Variants in DPP6 observed in about 807,000 individuals in gnomAD.
The protein encoded by DPP6 is A-type potassium channel modulatory protein DPP6.
A neutral mutation model predicts 122.6 loss-of-function variants in DPP6; 69 were observed. The ratio of observed to expected loss-of-function variants is 0.56; its 90% CI spans 0.46 to 0.69. The LOEUF (loss-of-function observed/expected upper bound fraction) is 0.69, where lower values mean the gene tolerates loss of function less well. Ranked by LOEUF, DPP6 falls within the 30% of genes least tolerant of loss-of-function variation. DPP6 has a pLI of 0.00. For synonymous variants in DPP6, 418 were observed against 433.1 expected (o/e 0.97, Z 0.43); for missense variants, 928 against 1,116.9 (o/e 0.83, Z 2.41).
At chr7:153,839,594 G>T in the DPP6 span, among the ~76,000 whole-genome samples, 1 of 152,220 alleles carries the variant, frequency 6.6e-6, no homozygotes, top group Non-Finnish European at 1.5e-5. Flanking sequence ...AGTCACAGCT[G>T]CATGGACAGA....
At chr7:154,850,036 T>TA (rs1023484643) in intron 16 of DPP6, among the ~76,000 whole-genome samples, 2 of 152,210 alleles carry the variant, frequency 1.3e-5, no homozygotes, top group East Asian at 1.9e-4. Flanking sequence ...TGATCCTTTT[T>TA]AAAAAAATTG....
intron 1 of DPP6, among the ~76,000 whole-genome samples, chr7:154,128,755 C>A (rs966358182): frequency 6.6e-6 from 1 of 150,946 alleles, no homozygotes; most frequent in South Asian, 2.1e-4. Flanking sequence ...TCTCATCTGA[C>A]GGCAGCCTTG....
intron 1 of DPP6, among the ~76,000 whole-genome samples, chr7:154,134,503 G>T (rs1454672975): frequency 6.6e-6 from 1 of 152,084 alleles, no homozygotes; most frequent in Non-Finnish European, 1.5e-5. Context: ...CACATGGCTG[G>T]GCTCCCTCCC....
intron 1 of DPP6, among the ~76,000 whole-genome samples, chr7:153,895,851 T>TA (rs1799393509): frequency 6.6e-6 from 1 of 152,062 alleles, no homozygotes; most frequent in African/African-American, 2.4e-5. Context: ...GTGGGTGCAA[T>TA]CACTTTGACT....
chr7:154,100,948 C>G lies in DPP6; in HGVS notation c.243+47885C>G, dbSNP rs182800123. Among the ~76,000 whole-genome samples the G allele has an allele frequency of 6.5e-3, 924 of 142,920 alleles. 59 individuals are homozygous for G. The highest frequency in any genetic ancestry group is 0.022 in the African/African-American group (887 of 40,424). The allele number at this position is 142,920 out of a possible 152,430, so 93.8% of individuals were successfully genotyped here. Reference sequence around the variant, plus strand: ...TGCCCTTCCTCGTCAAGACCCCAAACGAGGCTCACCTCCCCGTGACCGTGC... The same window carrying G: ...TGCCCTTCCTCGTCAAGACCCCAAAGGAGGCTCACCTCCCCGTGACCGTGC... On this transcript the variant is annotated intron_variant, in intron 1 of 25. Coordinates refer to ENST00000377770, the MANE Select transcript of DPP6 (RefSeq NM_130797.4).
the DPP6 span, among the ~76,000 whole-genome samples, chr7:153,790,347 G>A: frequency 8.1e-6 from 1 of 123,370 alleles, no homozygotes; most frequent in Non-Finnish European, 1.9e-5. Flanking sequence ...AATAATTTCA[G>A]TAACTAATTT....
chr7:154,178,338 T>G (rs1002468831), intron 1 of DPP6, among the ~76,000 whole-genome samples: 1 of 151,976 alleles, frequency 6.6e-6, no homozygotes, highest in Non-Finnish European at 1.5e-5. Flanking sequence ...CCCACACCTC[T>G]TTTAAAGTGC....
chr7:153,996,789 A>G (rs2533576), intron 1 of DPP6, among the ~76,000 whole-genome samples: 9 of 152,202 alleles, frequency 5.9e-5, no homozygotes, highest in Admixed American at 5.9e-4. Flanking sequence ...GTCAAGAACA[A>G]TTAATAAGAT....
intron 1 of DPP6, among the ~76,000 whole-genome samples, chr7:153,936,353 G>A (rs1044363417): frequency 3.9e-5 from 6 of 152,288 alleles, no homozygotes; most frequent in Middle Eastern, 3.4e-3. Context: ...TGGCTGGAGC[G>A]GCCAGGATGG....
At chr7:154,414,275 T>C (rs286853) in intron 1 of DPP6, among the ~76,000 whole-genome samples, 19,268 of 152,216 alleles carry the variant, frequency 0.13, 1,363 homozygotes, top group South Asian at 0.17. Context: ...AGCACAAAGA[T>C]CTTTTCAGCT....
intron 1 of DPP6, among the ~76,000 whole-genome samples, chr7:154,054,615 GCCCTGAGGGAAATA>G: frequency 6.6e-6 from 1 of 152,028 alleles, no homozygotes; most frequent in African/African-American, 2.4e-5. Flanking sequence ...GGTGGGCCAA[GCCCTGAGGGAAATA>G]GACAGATCCT....
intron 2 of DPP6, among the ~76,000 whole-genome samples, chr7:154,467,787 C>T (rs1267616454): frequency 1.3e-5 from 2 of 152,174 alleles, no homozygotes; most frequent in Non-Finnish European, 2.9e-5. Context: ...TTCCATTAGA[C>T]AAGTGGCTCT....
intron 1 of DPP6, among the ~76,000 whole-genome samples, chr7:154,237,052 C>T (rs1038310350): frequency 6.6e-6 from 1 of 152,250 alleles, no homozygotes; most frequent in African/African-American, 2.4e-5. Flanking sequence ...CATTGAGGTC[C>T]AAACAACTAG....
At chr7:154,155,867 T>C (rs1251577720) in intron 1 of DPP6, among the ~76,000 whole-genome samples, 2 of 152,172 alleles carry the variant, frequency 1.3e-5, no homozygotes, top group Non-Finnish European at 2.9e-5. Flanking sequence ...TGGCTTTAAA[T>C]GTTCACTTAA....
intron 1 of DPP6, among the ~76,000 whole-genome samples, chr7:154,163,879 G>T (rs148557163): frequency 7.2e-6 from 1 of 138,312 alleles, no homozygotes; most frequent in Non-Finnish European, 1.6e-5. Context: ...TACAGGGCAC[G>T]CCTTCTTCCT....
chr7:154,535,058 C>T (rs1179849811), intron 3 of DPP6, among the ~76,000 whole-genome samples: 2 of 151,408 alleles, frequency 1.3e-5, no homozygotes, highest in Non-Finnish European at 1.5e-5. Context: ...AAAAAGAAAT[C>T]TACACATACA....
chr7:153,866,807 A>G, the DPP6 span, among the ~76,000 whole-genome samples: 16 of 152,218 alleles, frequency 1.1e-4, no homozygotes, highest in African/African-American at 3.6e-4. Context: ...TCTTTAATCC[A>G]TCTTGAATTA....
intron 6 of DPP6, among the ~76,000 whole-genome samples, chr7:154,659,716 G>A (rs572025983): frequency 9.9e-5 from 15 of 152,278 alleles, no homozygotes; most frequent in South Asian, 4.2e-4. Flanking sequence ...TCCTCCCCAC[G>A]AGGAACATCC....
intron 1 of DPP6, among the ~76,000 whole-genome samples, chr7:154,408,607 A>G (rs563144097): frequency 6.6e-6 from 1 of 152,350 alleles, no homozygotes; most frequent in South Asian, 2.1e-4. Context: ...TGGCATTGAT[A>G]CACGGCTATT....
Sources: gnomAD v4.1 joint callset for allele counts (sites outside exome capture counted in the v4.1 genomes callset) on GRCh38, gnomAD v4.1.1 for gene constraint, MANE v1.5 for transcripts, NCBI Gene and HGNC (gene_info 2026-07-23, HGNC 2026-07-21) for gene names.